The following WDFY4 variants were observed in gnomAD, a reference collection of about 807,000 sequenced individuals.
WDFY4 encodes WDFY family member 4, also known as WD repeat- and FYVE domain-containing protein 4.
A neutral mutation model predicts 351.9 loss-of-function variants in WDFY4; 169 were observed. The observed-to-expected ratio is 0.48, with a 90% CI of 0.42 to 0.55. The LOEUF (loss-of-function observed/expected upper bound fraction) is 0.55. Among genes scored for constraint, WDFY4 ranks in the 20% least tolerant of loss-of-function variants. The probability of loss-of-function intolerance (pLI) is 0.00; values close to 1 mark genes in which losing one functional copy is unlikely to be tolerated. For synonymous variants in WDFY4, 1,622 were observed against 1,574.6 expected, an observed-to-expected ratio of 1.03 and a Z score of -0.71; for missense variants, 3,803 against 3,935.6, an observed-to-expected ratio of 0.97 and a Z score of 0.90.
At chr10:48,950,859 A>T (rs2663026) in intron 51 of WDFY4, among the ~76,000 whole-genome samples, 1 of 152,240 alleles carries the variant, frequency 6.6e-6, no homozygotes, top group African/African-American at 2.4e-5. Flanking sequence ...TGTGTGCAGC[A>T]TGGCCCCTGG....
At position 48,716,946 on chromosome 10, in the gene WDFY4, G is replaced by A. The variant is rs916856372; in HGVS notation, c.235-3065G>A. On this transcript the variant is annotated intron_variant, in intron 2 of 61. Coordinates refer to ENST00000325239, the MANE Select transcript of WDFY4 (RefSeq NM_001394531.1). ...CAGGGATTAACATGTCTGAGTGGCA[G>A]TTGGCTTGCAGGTGGCAGCTATAAG... 9.2e-5 allele frequency among the ~76,000 whole-genome samples: 14 copies of A among 152,352 alleles called. 1 individual carries two copies. The South Asian group carries it at 2.9e-3, about 32-fold the overall frequency.
intron 39 of WDFY4, among the ~76,000 whole-genome samples, chr10:48,854,741 G>T (rs1411385104): frequency 1.3e-5 from 2 of 152,172 alleles, no homozygotes; most frequent in African/African-American, 4.8e-5. Context: ...TCACACTGAA[G>T]TTGGGCTGAC....
chr10:48,711,353 C>T (rs1381849783), intron 2 of WDFY4, among the ~76,000 whole-genome samples: 1 of 152,216 alleles, frequency 6.6e-6, no homozygotes, highest in African/African-American at 2.4e-5. Flanking sequence ...ATTCTCAGCC[C>T]TAGCCCTGCC....
At chr10:48,919,369 A>G (rs573539997) in intron 47 of WDFY4, among the ~76,000 whole-genome samples, 15 of 152,246 alleles carry the variant, frequency 9.9e-5, no homozygotes, top group African/African-American at 3.1e-4. Flanking sequence ...ACCTGTATTT[A>G]TTGAAGAAAT....
chr10:48,865,648 C>T (rs2069516924), intron 39 of WDFY4, among the ~76,000 whole-genome samples: 1 of 152,202 alleles, frequency 6.6e-6, no homozygotes, highest in African/African-American at 2.4e-5. Context: ...GTGAATTCTT[C>T]ACTAAGTGGT....
chr10:48,789,813 G>A (rs550105617), intron 21 of WDFY4, 61 bp from the exon 22 acceptor site: 25 of 1,510,802 alleles, frequency 1.7e-5, no homozygotes, highest in East Asian at 9.8e-5. Flanking sequence ...CCAGGAGCTC[G>A]TGGACAATGC....
At position 48,775,903 on chromosome 10, in the gene WDFY4, A is replaced by G. The variant is rs2066017015; in HGVS notation, c.2863+97A>G. 3 of 1,142,190 alleles carry G rather than the reference A, an allele frequency of 2.6e-6. No homozygotes were observed. The South Asian group carries it at 4.1e-5, about 16-fold the overall frequency. The allele number at this position is 1,142,190 out of a possible 1,614,324, so 70.8% of individuals were successfully genotyped here. On this transcript the variant is annotated intron_variant, in intron 15 of 61. Coordinates refer to ENST00000325239, the MANE Select transcript of WDFY4 (RefSeq NM_001394531.1). ...CTTTACAACAGGTGGGAAAGCAAAC[A>G]GGTTTAAACATGGTTTTGTCTGCTG...
At chr10:48,823,122 A>G in intron 35 of WDFY4, 1 of 1,301,986 alleles carries the variant, frequency 7.7e-7, no homozygotes. Flanking sequence ...GCATATACAC[A>G]CAGAGAGAAT....
chr10:48,737,115 T>A (rs184236727), intron 11 of WDFY4, among the ~76,000 whole-genome samples: 3 of 152,314 alleles, frequency 2.0e-5, no homozygotes. Flanking sequence ...GCTTGAGTGA[T>A]CCTCCCACCT....
intron 13 of WDFY4, among the ~76,000 whole-genome samples, chr10:48,770,029 A>G (rs11101470): frequency 0.45 from 68,210 of 152,082 alleles, 15,477 homozygotes; most frequent in Middle Eastern, 0.63. Context: ...CATTTGTAGG[A>G]GGAGAAACCA....
At chr10:48,869,201 G>A (rs542229406) in intron 40 of WDFY4, among the ~76,000 whole-genome samples, 2 of 152,250 alleles carry the variant, frequency 1.3e-5, no homozygotes, top group East Asian at 3.9e-4. Context: ...CCCAAGAAAG[G>A]CCCATTCCAC....
At chr10:48,956,221 G>A (rs375789962) in intron 51 of WDFY4, among the ~76,000 whole-genome samples, 11 of 152,174 alleles carry the variant, frequency 7.2e-5, no homozygotes, top group African/African-American at 1.2e-4. Flanking sequence ...GCCCAACCTC[G>A]ACAGCCAGGC....
In WDFY4 at chr10:48,821,067, TC is replaced by T; in HGVS notation, c.5717del (p.Pro1906GlnfsTer26). The part of the protein sequence containing the change: ...LPLEVLLEAS[P>X]DHATSQQKRD... ...GTCCCGGGCTGTGCTTCCAGGCTTC[TC>T]CAGACCACGCCACCAGCCAACAGAA... On this transcript the variant is annotated frameshift_variant, in exon 34 of 62. Coordinates refer to ENST00000325239, the MANE Select transcript of WDFY4 (RefSeq NM_001394531.1). LOFTEE classifies it high-confidence loss of function. The T allele has an allele frequency of 6.4e-7, 1 of 1,551,504 alleles. No homozygotes were observed. Among genetic ancestry groups the T allele is most frequent in the South Asian group, 1.2e-5 (1 of 84,056 alleles).
At chr10:48,913,770 C>T (rs1263162099) in intron 47 of WDFY4, 2 of 1,614,062 alleles carry the variant, frequency 1.2e-6, no homozygotes. Flanking sequence ...GTGGTTCAAG[C>T]CTAGGTTCAC....
intron 10 of WDFY4, among the ~76,000 whole-genome samples, chr10:48,734,535 T>TAA (rs1003073884): frequency 6.6e-6 from 1 of 150,666 alleles, no homozygotes; most frequent in African/African-American, 2.4e-5. Context: ...TATATATATA[T>TAA]ATATATATAA....
chr10:48,982,487 G>C (rs1336813422), intron 61 of WDFY4, 22 bp from the exon 62 acceptor site: 2 of 1,490,972 alleles, frequency 1.3e-6, no homozygotes, highest in African/African-American at 2.8e-5. Flanking sequence ...TAACGTTCTT[G>C]TCTTTTCTTT....
chr10:48,952,955 C>T (rs1293429771), intron 51 of WDFY4, among the ~76,000 whole-genome samples: 1 of 152,180 alleles, frequency 6.6e-6, no homozygotes. Flanking sequence ...ACATTTGCCC[C>T]GTTACTTCTG....
chr10:48,743,722 T>A (rs926697385), intron 12 of WDFY4, among the ~76,000 whole-genome samples, 174 bp downstream of exon 12: 4 of 152,142 alleles, frequency 2.6e-5, no homozygotes, highest in African/African-American at 4.8e-5. Context: ...TCTTCTACCT[T>A]GGGAGCTGAT....
chr10:48,936,336 A>C (rs1176369780), intron 47 of WDFY4, among the ~76,000 whole-genome samples: 1 of 152,184 alleles, frequency 6.6e-6, no homozygotes, highest in Non-Finnish European at 1.5e-5. Flanking sequence ...TAAATTTCTG[A>C]ATGAAGATGA....
Sources: gnomAD v4.1 joint callset for allele counts (sites outside exome capture counted in the v4.1 genomes callset) on GRCh38, gnomAD v4.1.1 for gene constraint, MANE v1.5 for transcripts, NCBI Gene and HGNC (gene_info 2026-07-23, HGNC 2026-07-21) for gene names.